Variants in PCDHGA10 observed in about 807,000 individuals in gnomAD.
PCDHGA10 encodes the protein protocadherin gamma subfamily A, 10.
PCDHGA10 carries 42 observed loss-of-function variants against 59.5 expected under a neutral mutation model. That is an observed-to-expected ratio of 0.71 (90% CI 0.55 to 0.91). PCDHGA10 has a LOEUF of 0.91. Among genes scored for constraint, PCDHGA10 ranks in the 40% least tolerant of loss-of-function variants. PCDHGA10 has a pLI of 0.00. For synonymous variants in PCDHGA10, 511 were observed against 517.2 expected, an observed-to-expected ratio of 0.99 and a Z score of 0.16; for missense variants, 1,111 against 1,198.2, an observed-to-expected ratio of 0.93 and a Z score of 1.07.
intron 1 of PCDHGA10, among the ~76,000 whole-genome samples, chr5:141,459,334 A>G (rs987526492): frequency 5.9e-5 from 9 of 152,116 alleles, no homozygotes; most frequent in Admixed American, 1.3e-4. Flanking sequence ...TTTTACTCCA[A>G]AGTTCTTGAA....
Position 141,432,211 on chromosome 5 carries a change from C to T in PCDHGA10, c.2436+16600C>T. 6.2e-7 allele frequency: 1 copy of T among 1,614,232 alleles called. No homozygotes were observed. The highest frequency in any genetic ancestry group is 8.5e-7 in the Non-Finnish European group (1 of 1,180,044). On this transcript the variant is annotated intron_variant, in intron 1 of 3. Coordinates refer to ENST00000398610, the MANE Select transcript of PCDHGA10 (RefSeq NM_018913.3). The surrounding 1 kb of genome is among the most constrained non-coding windows in gnomAD (Gnocchi z 6.0). ...CCCACGACCCCGACTGTGAAGAGAA[C>T]GCCCAGATCACTTATTCCCTGGCTG... is the stretch of plus-strand genomic sequence containing the variant.
At chr5:141,449,667 G>A (rs540415333) in intron 1 of PCDHGA10, among the ~76,000 whole-genome samples, 1 of 150,824 alleles carries the variant, frequency 6.6e-6, no homozygotes, top group South Asian at 2.1e-4. Context: ...ACACCCAAGT[G>A]TGTATGTATA....
chr5:141,419,569 C>T (rs1200109635), intron 1 of PCDHGA10: 3 of 1,611,654 alleles, frequency 1.9e-6, no homozygotes, highest in East Asian at 2.2e-5. Context: ...TGGGTCCCGA[C>T]GGCTCCGCGC....
Position 141,505,350 on chromosome 5 carries a change from G to A in PCDHGA10, c.2496-43G>A, listed in dbSNP as rs367663588. ...AGAGGACAGGAGGGGCATGAGCTGT[G>A]CCGGCCTGGGAGTCTGTGCTCACCA... On this transcript the variant is annotated intron_variant, in intron 2 of 3. Transcript: ENST00000398610. The A allele has an allele frequency of 4.3e-6, 7 of 1,613,264 alleles. No homozygotes were observed. In the African/African-American group the frequency reaches 6.7e-5, roughly 15 times the overall value.
chr5:141,417,969 T>G, intron 1 of PCDHGA10: 1 of 1,613,768 alleles, frequency 6.2e-7, no homozygotes, highest in Non-Finnish European at 8.5e-7. Flanking sequence ...CGCTACTCGA[T>G]TCCGGAGGAG....
intron 1 of PCDHGA10, among the ~76,000 whole-genome samples, chr5:141,449,680 T>C (rs2098651613): frequency 6.6e-6 from 1 of 151,546 alleles, no homozygotes; most frequent in Admixed American, 6.6e-5. Flanking sequence ...TATGTATATA[T>C]GTTTGTGTGT....
At position 141,415,066 on chromosome 5, in the gene PCDHGA10, C is replaced by A; in HGVS notation, c.1891C>A (p.Arg631Ser). 1 of 1,613,410 alleles carries A rather than the reference C, an allele frequency of 6.2e-7. No individual in the cohort carries two copies. The highest frequency in any genetic ancestry group is 8.5e-7 in the Non-Finnish European group (1 of 1,179,946). ...GGTGGGGGAGCACACGGGCGAGGTG[C>A]GCACGGCGCGAGCCCTGCTGGACAG... ...FAVGEHTGEV[R>S]TARALLDRDA... The change falls in exon 1 of 4, where the codon CGC becomes AGC. Residue 631 changes from arginine (R) to serine (S), a missense_variant. Arg to Ser is a moderately radical substitution (Grantham distance 110). Transcript: ENST00000398610.
In PCDHGA10 at chr5:141,414,957, G is replaced by C. The variant is rs550492051; in HGVS notation, c.1782G>C (p.Lys594Asn). 9.2e-5 allele frequency: 148 copies of C among 1,614,018 alleles called. No homozygotes were observed. Among genetic ancestry groups the C allele is most frequent in the Non-Finnish European group, 1.2e-4 (144 of 1,180,044 alleles). The part of the protein sequence containing the change: ...RSAEPGYLVT[K>N]VVAVDRDSGQ... ...CAGAGCCCGGCTACCTGGTGACCAA[G>C]GTGGTGGCGGTGGACAGAGACTCCG... is the stretch of plus-strand genomic sequence containing the variant. The change falls in exon 1 of 4, where the codon AAG (lysine) becomes AAC (asparagine). Residue 594 changes from lysine to asparagine, a missense_variant. Lys to Asn is a moderately conservative substitution (Grantham distance 94). Coordinates refer to ENST00000398610, the MANE Select transcript of PCDHGA10 (RefSeq NM_018913.3).
In PCDHGA10 at chr5:141,499,962, A is replaced by G. The variant is rs147527188; in HGVS notation, c.2495+5097A>G. Among the ~76,000 whole-genome samples the G allele has an allele frequency of 3.7e-3, 563 of 152,178 alleles. 5 individuals are homozygous for G. Among genetic ancestry groups the G allele is most frequent in the Admixed American group, 0.011 (164 of 15,288 alleles). On this transcript the variant is annotated intron_variant, in intron 2 of 3. Coordinates refer to ENST00000398610, the MANE Select transcript of PCDHGA10 (RefSeq NM_018913.3). ...CTCGGCCTCCCAAAATGTTGGGATT[A>G]CAGGTGTGAGCCACCTTGCCCGGCC...
Position 141,476,993 on chromosome 5 carries a change from C to A in PCDHGA10, c.2437-17814C>A. 6.2e-7 allele frequency: 1 copy of A among 1,614,244 alleles called. No individual in the cohort carries two copies. Among genetic ancestry groups the A allele is most frequent in the South Asian group, 1.1e-5 (1 of 91,086 alleles). Reference sequence around the variant, plus strand: ...CAGCCACAACCGCGCCGGCGTGCGGCAACTATTCGCCTTAGACCTTGTAAC... The same window carrying A: ...CAGCCACAACCGCGCCGGCGTGCGGAAACTATTCGCCTTAGACCTTGTAAC... On this transcript the variant is annotated intron_variant, in intron 1 of 3. Coordinates refer to ENST00000398610, the MANE Select transcript of PCDHGA10 (RefSeq NM_018913.3). This position sits in a 1 kb window ranked among gnomAD's most constrained non-coding sequence, Gnocchi z 7.6.
chr5:141,451,676 G>C (rs1363843426), intron 1 of PCDHGA10, among the ~76,000 whole-genome samples: 1 of 152,142 alleles, frequency 6.6e-6, no homozygotes, highest in African/African-American at 2.4e-5. Context: ...GAGCCCAGGA[G>C]TTCAAGACCA....
intron 3 of PCDHGA10, among the ~76,000 whole-genome samples, chr5:141,510,330 C>T (rs1420880240): frequency 6.6e-6 from 1 of 151,298 alleles, no homozygotes; most frequent in Non-Finnish European, 1.5e-5. Context: ...GCACTCTTCA[C>T]CCCCACCCCA....
intron 1 of PCDHGA10, chr5:141,419,715 T>C: frequency 6.2e-7 from 1 of 1,613,288 alleles, no homozygotes. Flanking sequence ...CTCTTCAGCC[T>C]GGGGCTGCGA....
chr5:141,499,012 G>GGAAGGAAT, intron 2 of PCDHGA10, among the ~76,000 whole-genome samples: 1 of 147,618 alleles, frequency 6.8e-6, no homozygotes. Context: ...AAGGAAGGAA[G>GGAAGGAAT]GAAGGAAGGA....
chr5:141,471,972 T>C (rs952480654), intron 1 of PCDHGA10, among the ~76,000 whole-genome samples: 1 of 152,212 alleles, frequency 6.6e-6, no homozygotes, highest in South Asian at 2.1e-4. Context: ...GTTGCATTAC[T>C]GTATAAATTT....
chr5:141,489,594 T>A lies in PCDHGA10; in HGVS notation c.2437-5213T>A. The A allele has an allele frequency of 2.5e-6, 4 of 1,614,076 alleles. No homozygotes were observed. Among genetic ancestry groups the A allele is most frequent in the Non-Finnish European group, 3.4e-6 (4 of 1,179,982 alleles). ...CTGAACACCCCCTGGAGCTAATCCG[T>A]GTAGAGGTAGAGATCCTGGATCTCA... On this transcript the variant is annotated intron_variant, in intron 1 of 3. Coordinates refer to ENST00000398610, the MANE Select transcript of PCDHGA10 (RefSeq NM_018913.3). This position sits in a 1 kb window ranked among gnomAD's most constrained non-coding sequence, Gnocchi z 4.5.
Position 141,413,222 on chromosome 5 carries a change from G to T in PCDHGA10, c.47G>T (p.Gly16Val). The change falls in exon 1 of 4, where the codon GGG (glycine) becomes GTG (valine). Residue 16 changes from glycine to valine, a missense_variant. By Grantham distance (109) the Gly-to-Val change is moderately radical. Transcript: ENST00000398610. ...TCAAAGGAATCAAAGGATTGCAGCG[G>T]GCTGGTCCTGCTCTGCCTTTTCTTC... ...NRSKESKDCSGLVLLCLFFGI... is the reference protein window; with the variant it reads ...NRSKESKDCSVLVLLCLFFGI... 6.2e-7 allele frequency: 1 copy of T among 1,613,796 alleles called. No individual in the cohort carries two copies. The highest frequency in any genetic ancestry group is 1.7e-5 in the Admixed American group (1 of 60,010).
At position 141,477,924 on chromosome 5, in the gene PCDHGA10, A is replaced by G; in HGVS notation, c.2437-16883A>G. 1 of 1,614,140 alleles carries G rather than the reference A, an allele frequency of 6.2e-7. No homozygotes were observed. On this transcript the variant is annotated intron_variant, in intron 1 of 3. Transcript: ENST00000398610. The surrounding 1 kb of genome is among the most constrained non-coding windows in gnomAD (Gnocchi z 4.9). ...GGCTGGGACGCGGATGCAGGGCACA[A>G]TGCCTGGCTCTCCTACAGTCTCTTG...
At chr5:141,434,431 T>C (rs931458644) in intron 1 of PCDHGA10, among the ~76,000 whole-genome samples, 2 of 152,186 alleles carry the variant, frequency 1.3e-5, no homozygotes, top group African/African-American at 2.4e-5. Context: ...ATGATGGCCG[T>C]AATGCCCATG....
Sources: allele counts gnomAD v4.1 joint callset (sites outside exome capture counted in the v4.1 genomes callset), GRCh38; gene constraint gnomAD v4.1.1; non-coding constraint Gnocchi (gnomAD v3.1); transcripts MANE v1.5; gene names NCBI Gene and HGNC (gene_info 2026-07-23, HGNC 2026-07-21).